The following SCP2 variants were observed in gnomAD, a reference collection of about 807,000 sequenced individuals.
SCP2 encodes sterol carrier protein 2, also known as SCP-2/3-oxoacyl-CoA thiolase.
In SCP2, 48 loss-of-function variants were observed where a neutral mutation model predicts 71.4. The ratio of observed to expected loss-of-function variants is 0.67; its 90% CI spans 0.53 to 0.86. SCP2 has a LOEUF of 0.86. SCP2 is among the 40% of genes least tolerant of loss of function. The pLI is 0.00. For synonymous variants in SCP2, 220 were observed against 218.1 expected, an observed-to-expected ratio of 1.01 and a Z score of -0.08; for missense variants, 560 against 655.6, an observed-to-expected ratio of 0.85 and a Z score of 1.59.
intron 11 of SCP2, among the ~76,000 whole-genome samples, chr1:52,999,012 T>C (rs1354855987): frequency 6.6e-6 from 1 of 152,164 alleles, no homozygotes; most frequent in Non-Finnish European, 1.5e-5. Flanking sequence ...TTTCTAACAT[T>C]TGAGTCTACA....
rs1327622057 is a variant in SCP2 at position 52,927,352 on chromosome 1, G to A, written c.-45G>A. On this transcript the variant is annotated 5_prime_UTR_variant, in exon 1 of 16. Transcript: ENST00000371514. ...GGTGCAGTCTCCGCCTGTCAGTGCC[G>A]GCAGTCGTCCGCGGCGCCCGCCCCG... is the stretch of plus-strand genomic sequence containing the variant. 2 of 1,503,606 alleles carry A rather than the reference G, an allele frequency of 1.3e-6. No individual in the cohort carries two copies. The highest frequency in any genetic ancestry group is 2.4e-5 in the East Asian group (1 of 41,604). The allele number at this position is 1,503,606 out of a possible 1,614,324, so 93.1% of individuals were successfully genotyped here. A position where few individuals can be genotyped will look rare whatever the true frequency, so the allele number is the denominator to read the frequency against.
Position 53,047,837 on chromosome 1 carries a change from TCTC to T in SCP2, c.1469-18_1469-16del, listed in dbSNP as rs758752987. 1 of 1,559,362 alleles carries T rather than the reference TCTC, an allele frequency of 6.4e-7. No homozygotes were observed. The highest frequency in any genetic ancestry group is 1.4e-5 in the African/African-American group (1 of 73,876). On this transcript the variant is annotated intron_variant, in intron 14 of 15. Transcript: ENST00000371514. ...CTGAACACCTCCTATTCTCCTTCCT[TCTC>T]CTGTGTATCTGTTTTAGATAAGAAG...
intron 1 of SCP2, chr1:52,928,847 T>C (rs1339318048): frequency 1.3e-5 from 2 of 154,404 alleles, no homozygotes; most frequent in Non-Finnish European, 2.9e-5. Context: ...ATCATCCTAG[T>C]GTTTCACAGA....
chr1:52,991,602 G>A (rs1659511238), intron 11 of SCP2, among the ~76,000 whole-genome samples: 1 of 151,716 alleles, frequency 6.6e-6, no homozygotes, highest in South Asian at 2.1e-4. Context: ...GGTTTCACCA[G>A]GTTGGTCAGG....
chr1:52,929,228 T>C (rs1466023272), intron 1 of SCP2, among the ~76,000 whole-genome samples: 2 of 151,438 alleles, frequency 1.3e-5, no homozygotes, highest in Admixed American at 6.6e-5. Context: ...GACGGAGTTT[T>C]GCTCTGTCAA....
At position 52,988,042 on chromosome 1, in the gene SCP2, G is replaced by A. The variant is rs7538935; in HGVS notation, c.987G>A (p.Thr329=). The A allele has an allele frequency of 7.0e-6, 11 of 1,576,254 alleles. No individual in the cohort carries two copies. Among genetic ancestry groups the A allele is most frequent in the African/African-American group, 2.7e-5 (2 of 73,106 alleles). The part of the protein sequence containing the change: ...LGLCPEGQGA[T]LVDRGDNTYG... ...TTTCTTCTATAGGACAAGGTGCAAC[G>A]CTGGTTGATAGAGGAGATAATACAT... Residue 329 remains threonine, a synonymous_variant, in exon 11 of 16, where the codon ACG becomes ACA. Coordinates refer to ENST00000371514, the MANE Select transcript of SCP2 (RefSeq NM_002979.5).
chr1:52,931,162 C>G (rs1202338121), intron 1 of SCP2, among the ~76,000 whole-genome samples: 1 of 152,104 alleles, frequency 6.6e-6, no homozygotes, highest in East Asian at 1.9e-4. Context: ...GAAACAATAG[C>G]TGAGATATAT....
intron 11 of SCP2, chr1:52,993,586 A>C: frequency 6.2e-7 from 1 of 1,610,104 alleles, no homozygotes; most frequent in Non-Finnish European, 8.5e-7. Flanking sequence ...TCATGGCTCC[A>C]AGCTCTTCTT....
At chr1:53,009,309 G>T (rs540503744) in intron 11 of SCP2, among the ~76,000 whole-genome samples, 2 of 152,074 alleles carry the variant, frequency 1.3e-5, no homozygotes, top group African/African-American at 4.8e-5. Flanking sequence ...AAAAGAGGCC[G>T]CATTGCCAAG....
chr1:52,966,092 A>C (rs1002905270), intron 6 of SCP2, among the ~76,000 whole-genome samples: 2 of 152,058 alleles, frequency 1.3e-5, no homozygotes, highest in African/African-American at 2.4e-5. Context: ...TGGTTTTACT[A>C]CTTCTTTTCT....
At chr1:52,939,529 G>GTT (rs1320071998) in intron 1 of SCP2, among the ~76,000 whole-genome samples, 11 of 152,108 alleles carry the variant, frequency 7.2e-5, no homozygotes, top group African/African-American at 2.7e-4. Flanking sequence ...CTGGGCAACA[G>GTT]AGTGAGACTC....
At chr1:53,000,919 C>T (rs1339802691) in intron 11 of SCP2, among the ~76,000 whole-genome samples, 1 of 152,026 alleles carries the variant, frequency 6.6e-6, no homozygotes, top group Non-Finnish European at 1.5e-5. Context: ...CATGCCACTA[C>T]ACTCCAACCT....
chr1:52,937,557 T>C (rs1211067717), intron 1 of SCP2, among the ~76,000 whole-genome samples: 4 of 152,206 alleles, frequency 2.6e-5, no homozygotes, highest in East Asian at 3.9e-4. Flanking sequence ...TCAAGAATTA[T>C]GGAGAAGAAT....
chr1:52,985,342 G>A (rs1217191807), intron 10 of SCP2, among the ~76,000 whole-genome samples: 1 of 152,040 alleles, frequency 6.6e-6, no homozygotes, highest in East Asian at 1.9e-4. Context: ...GCTTAAACTG[G>A]AAACCATCAG....
At chr1:53,006,969 G>C (rs1660679380) in intron 11 of SCP2, among the ~76,000 whole-genome samples, 1 of 151,938 alleles carries the variant, frequency 6.6e-6, no homozygotes, top group Non-Finnish European at 1.5e-5. Flanking sequence ...AAAAAAAGCA[G>C]GGGTTGCAAT....
chr1:52,933,493 A>T (rs899549690), intron 1 of SCP2, among the ~76,000 whole-genome samples: 6 of 152,236 alleles, frequency 3.9e-5, no homozygotes, highest in African/African-American at 1.4e-4. Context: ...ATAATATTTT[A>T]AAAATCAACT....
At chr1:52,944,777 G>A (rs1654615459) in intron 2 of SCP2, among the ~76,000 whole-genome samples, 1 of 151,716 alleles carries the variant, frequency 6.6e-6, no homozygotes, top group African/African-American at 2.4e-5. Flanking sequence ...ATCCCAACAC[G>A]TTGAGAGGCC....
At chr1:52,994,963 C>A in intron 11 of SCP2, 1 of 514,534 alleles carries the variant, frequency 1.9e-6, no homozygotes, top group Non-Finnish European at 3.9e-6. Context: ...TAGCTCAGGC[C>A]CTTTTGGCCA....
rs113235084 is a variant in SCP2 at position 52,972,657 on chromosome 1, T to A, written c.524-2112T>A. Among the ~76,000 whole-genome samples, 1,227 of 152,316 alleles carry A rather than the reference T, an allele frequency of 8.1e-3. 8 individuals are homozygous for A. Among genetic ancestry groups the A allele is most frequent in the Non-Finnish European group, 0.013 (906 of 68,028 alleles). ...GATTCCAATTGTTACAATTCCCTTTTTCATGTTGAACCCAAATCTCTCACC... is the reference window on the plus strand; with the variant it reads ...GATTCCAATTGTTACAATTCCCTTTATCATGTTGAACCCAAATCTCTCACC... On this transcript the variant is annotated intron_variant, in intron 6 of 15. Coordinates refer to ENST00000371514, the MANE Select transcript of SCP2 (RefSeq NM_002979.5).
Sources: gnomAD v4.1 joint callset for allele counts (sites outside exome capture counted in the v4.1 genomes callset) on GRCh38, gnomAD v4.1.1 for gene constraint, MANE v1.5 for transcripts, NCBI Gene and HGNC (gene_info 2026-07-23, HGNC 2026-07-21) for gene names.